The following STK3 variants were observed in gnomAD, a reference collection of about 807,000 sequenced individuals.
The protein encoded by STK3 is serine/threonine-protein kinase 3.
STK3 carries 41 observed loss-of-function variants against 58.0 expected under a neutral mutation model. The observed-to-expected ratio is 0.71, with a 90% CI of 0.55 to 0.92. The LOEUF (loss-of-function observed/expected upper bound fraction) is 0.92, where lower values mean the gene tolerates loss of function less well. Ranked by LOEUF, STK3 falls within the 40% of genes least tolerant of loss-of-function variation. The pLI is 0.00. For missense variants in STK3, 479 were observed against 602.7 expected (o/e 0.79, Z 2.15); for synonymous variants, 170 against 191.0 (o/e 0.89, Z 0.91).
intron 6 of STK3, among the ~76,000 whole-genome samples, chr8:98,621,038 T>C (rs1431697123): frequency 6.6e-6 from 1 of 151,040 alleles, no homozygotes; most frequent in Non-Finnish European, 1.5e-5. Flanking sequence ...CACGCCATTC[T>C]CCTGCCTCAG....
intron 3 of STK3, chr8:98,429,012 G>A (rs769318500): frequency 1.2e-6 from 2 of 1,614,056 alleles, no homozygotes; most frequent in Non-Finnish European, 1.7e-6. Context: ...CATCTTCTCC[G>A]TGGTGGCCTA....
chr8:98,678,389 A>G (rs1436272495), intron 6 of STK3, among the ~76,000 whole-genome samples: 1 of 152,122 alleles, frequency 6.6e-6, no homozygotes, highest in African/African-American at 2.4e-5. Flanking sequence ...CTTAAAAAGT[A>G]TAATTTATGA....
intron 6 of STK3, among the ~76,000 whole-genome samples, chr8:98,612,671 A>G (rs1052257084): frequency 1.3e-5 from 2 of 152,102 alleles, no homozygotes; most frequent in African/African-American, 4.8e-5. Flanking sequence ...AACCCTGCCC[A>G]AAAGATGAAG....
At chr8:98,497,412 C>A (rs1823225366) in intron 10 of STK3, among the ~76,000 whole-genome samples, 1 of 151,294 alleles carries the variant, frequency 6.6e-6, no homozygotes, top group African/African-American at 2.4e-5. Context: ...GCTATGATAC[C>A]AAAAGCACTA....
upstream of STK3, among the ~76,000 whole-genome samples, chr8:98,829,020 G>A (rs1835431294): frequency 1.3e-5 from 2 of 152,284 alleles, no homozygotes; most frequent in Admixed American, 6.5e-5. Flanking sequence ...TCTCTGCTCT[G>A]AGAGCTAATA....
rs1473031505 is a variant in STK3 at position 98,455,201 on chromosome 8, G to A, written c.*641C>T. 6.6e-6 allele frequency: 1 copy of A among 152,214 alleles called. No homozygotes were observed. The highest frequency in any genetic ancestry group is 1.5e-5 in the Non-Finnish European group (1 of 67,960). 9.4% of individuals were successfully genotyped at this position (152,214 alleles called of 1,614,324 possible). On this transcript the variant is annotated 3_prime_UTR_variant, in exon 11 of 11. Coordinates refer to ENST00000419617, the MANE Select transcript of STK3 (RefSeq NM_006281.4). Reference sequence around the variant, plus strand: ...AAATCAAAAAAACAAAATTTCAAAGGGTAAAAATGGAATTATTGCTTCAAT... The same window carrying A: ...AAATCAAAAAAACAAAATTTCAAAGAGTAAAAATGGAATTATTGCTTCAAT...
chr8:98,595,777 A>C (rs1301228618), intron 7 of STK3: 1 of 337,996 alleles, frequency 3.0e-6, no homozygotes, highest in Admixed American at 4.3e-5. Context: ...AAGAAAAAAA[A>C]AACATGAGAA....
intron 3 of STK3, among the ~76,000 whole-genome samples, chr8:98,842,335 A>G (rs1836024591): frequency 6.6e-6 from 1 of 152,224 alleles, no homozygotes; most frequent in Admixed American, 6.5e-5. Context: ...GAGGTTTTGA[A>G]AAAATGAGCA....
intron 8 of STK3, among the ~76,000 whole-genome samples, chr8:98,575,414 C>CA (rs1385832598): frequency 8.0e-5 from 12 of 150,026 alleles, no homozygotes; most frequent in Non-Finnish European, 1.3e-4. Context: ...AAATCAGTGG[C>CA]ACTTAGTACA....
At chr8:98,688,455 A>C (rs1824167935) in intron 6 of STK3, among the ~76,000 whole-genome samples, 2 of 152,176 alleles carry the variant, frequency 1.3e-5, no homozygotes, top group Non-Finnish European at 2.9e-5. Flanking sequence ...TCTACCAAAC[A>C]ACCACAGAAT....
chr8:98,721,868 G>T (rs1827453188), intron 4 of STK3, among the ~76,000 whole-genome samples: 1 of 152,062 alleles, frequency 6.6e-6, no homozygotes, highest in Non-Finnish European at 1.5e-5. Context: ...TTTCCAAGAA[G>T]CACTAGGAAA....
intron 3 of STK3, among the ~76,000 whole-genome samples, chr8:98,751,346 C>G (rs530503452): frequency 6.6e-6 from 1 of 152,272 alleles, no homozygotes; most frequent in African/African-American, 2.4e-5. Flanking sequence ...GATCCTGTAT[C>G]TAGAAAACCC....
chr8:98,348,362 A>G, the STK3 span, among the ~76,000 whole-genome samples: 3 of 152,234 alleles, frequency 2.0e-5, no homozygotes, highest in Non-Finnish European at 2.9e-5. Flanking sequence ...GGATTTGGCA[A>G]TAACTTTTAG....
intron 3 of STK3, among the ~76,000 whole-genome samples, chr8:98,422,734 G>A (rs1263160308): frequency 1.3e-5 from 2 of 152,164 alleles, no homozygotes; most frequent in Admixed American, 6.5e-5. Flanking sequence ...CTGCCAAACC[G>A]AGTGAGACGC....
At chr8:98,392,476 G>T (rs185443069), upstream of STK3, among the ~76,000 whole-genome samples, 4 of 152,268 alleles carry the variant, frequency 2.6e-5, no homozygotes, top group African/African-American at 4.8e-5. Context: ...GAGATGAATT[G>T]TTCCCATTTT....
chr8:98,742,629 T>G lies in STK3; in HGVS notation c.351+6647A>C, dbSNP rs960981345. 4.9e-5 allele frequency among the ~76,000 whole-genome samples: 7 copies of G among 143,694 alleles called. 1 individual carries two copies. Among genetic ancestry groups the G allele is most frequent in the African/African-American group, 1.8e-4 (7 of 38,170 alleles). The allele number at this position is 143,694 out of a possible 152,430, so 94.3% of individuals were successfully genotyped here. A position where few individuals can be genotyped will look rare whatever the true frequency, so the allele number is the denominator to read the frequency against. ...GACAAACCCACAGCCAATATCATAC[T>G]GAATGGGCAAAAACTGGAAGCATTC... On this transcript the variant is annotated intron_variant, in intron 4 of 10. Transcript: ENST00000419617.
intron 6 of STK3, among the ~76,000 whole-genome samples, chr8:98,686,872 G>A (rs149197718): frequency 4.6e-5 from 7 of 151,836 alleles, no homozygotes; most frequent in African/African-American, 1.2e-4. Context: ...AACCCAGTCA[G>A]ATAAAAATAA....
intron 6 of STK3, among the ~76,000 whole-genome samples, chr8:98,625,187 A>G (rs1282662113): frequency 6.6e-6 from 1 of 152,122 alleles, no homozygotes; most frequent in Non-Finnish European, 1.5e-5. Context: ...ATCTTGAAAG[A>G]AGGCGCTTAA....
chr8:98,423,121 T>C (rs987518838), intron 3 of STK3, among the ~76,000 whole-genome samples: 1 of 151,920 alleles, frequency 6.6e-6, no homozygotes, highest in Non-Finnish European at 1.5e-5. Context: ...GAGGAAGGAG[T>C]TGGGGCCAAG....
Sources: gnomAD v4.1 joint callset for allele counts (sites outside exome capture counted in the v4.1 genomes callset) on GRCh38, gnomAD v4.1.1 for gene constraint, MANE v1.5 for transcripts, NCBI Gene and HGNC (gene_info 2026-07-23, HGNC 2026-07-21) for gene names.